Variants in ANKRD12 observed in about 807,000 individuals in gnomAD.
The protein encoded by ANKRD12 is ankyrin repeat domain 12.
In ANKRD12, 85 loss-of-function variants were observed where a neutral mutation model predicts 183.4. The observed-to-expected ratio is 0.46, with a 90% CI of 0.39 to 0.56. The LOEUF (loss-of-function observed/expected upper bound fraction) is 0.56. ANKRD12 is among the 20% of genes least tolerant of loss of function. The pLI, the probability that ANKRD12 is intolerant of heterozygous loss-of-function variation, is 0.00. For synonymous variants in ANKRD12, 914 were observed against 800.2 expected, an observed-to-expected ratio of 1.14 and a Z score of -2.40; for missense variants, 2,405 against 2,357.1, an observed-to-expected ratio of 1.02 and a Z score of -0.42.
At chr18:9,155,465 C>T (rs897116773) in intron 1 of ANKRD12, among the ~76,000 whole-genome samples, 5 of 152,184 alleles carry the variant, frequency 3.3e-5, no homozygotes, top group South Asian at 2.1e-4. Flanking sequence ...TGTGTAAGTA[C>T]ACCTGTAGGA....
chr18:9,239,433 C>A, intron 8 of ANKRD12: 3 of 942,778 alleles, frequency 3.2e-6, no homozygotes, highest in Admixed American at 2.5e-5. Context: ...TTTCACTGAT[C>A]TTGATTGTTT....
chr18:9,186,136 G>GTTTTTTTTTT (rs1280812557), intron 2 of ANKRD12, among the ~76,000 whole-genome samples: 11 of 141,894 alleles, frequency 7.8e-5, no homozygotes, highest in South Asian at 2.2e-4. Context: ...CTAAAAGTGT[G>GTTTTTTTTTT]ATTTTTTTTT....
intron 2 of ANKRD12, among the ~76,000 whole-genome samples, chr18:9,192,471 A>G (rs182332061): frequency 2.5e-4 from 38 of 152,238 alleles, no homozygotes; most frequent in African/African-American, 8.7e-4. Context: ...TAAGTTCATA[A>G]GTGGATTTTT....
intron 4 of ANKRD12, 63 bp from the exon 5 acceptor site, chr18:9,208,594 T>C: frequency 6.8e-7 from 1 of 1,468,512 alleles, no homozygotes; most frequent in Non-Finnish European, 9.2e-7. Context: ...AAAATTCATC[T>C]TAAACTTGCT....
At chr18:9,263,927 C>A in intron 10 of ANKRD12, 39 bp downstream of exon 10, 1 of 1,305,558 alleles carries the variant, frequency 7.7e-7, no homozygotes, top group Non-Finnish European at 1.0e-6. Flanking sequence ...CTAAAAATAA[C>A]TGGTTTCTAG....
In ANKRD12 at chr18:9,194,734, C is replaced by T. The variant is rs190551492; in HGVS notation, c.88-817C>T. ...TTTTTAAAATTTACATATTCATTGG[C>T]GCTACATCTAGATATAATGGTTCTA... On this transcript the variant is annotated intron_variant, in intron 2 of 12. Coordinates refer to ENST00000262126, the MANE Select transcript of ANKRD12 (RefSeq NM_015208.5). 2.6e-5 allele frequency among the ~76,000 whole-genome samples: 4 copies of T among 152,186 alleles called. No homozygotes were observed. The East Asian group carries it at 5.8e-4, about 22-fold the overall frequency.
At chr18:9,267,775 G>C (rs1396638162) in intron 10 of ANKRD12, among the ~76,000 whole-genome samples, 1 of 152,122 alleles carries the variant, frequency 6.6e-6, no homozygotes, top group Non-Finnish European at 1.5e-5. Context: ...TAAGATCAGA[G>C]CAGAACTGAA....
At chr18:9,268,355 C>T (rs1336077056) in intron 10 of ANKRD12, among the ~76,000 whole-genome samples, 17 of 152,100 alleles carry the variant, frequency 1.1e-4, no homozygotes, top group South Asian at 2.1e-4. Flanking sequence ...TGATGAACAT[C>T]GATGCAAAAA....
chr18:9,186,933 A>G (rs1184718427), intron 2 of ANKRD12, among the ~76,000 whole-genome samples: 1 of 151,656 alleles, frequency 6.6e-6, no homozygotes, highest in Non-Finnish European at 1.5e-5. Context: ...TTGTATTTTT[A>G]GTAGAGACGG....
chr18:9,259,784 A>G (rs1376163322), intron 9 of ANKRD12: 1 of 152,208 alleles, frequency 6.6e-6, no homozygotes, highest in Non-Finnish European at 1.5e-5. Context: ...ATTTTGCTAC[A>G]GACCCACTGT....
rs748318062 is a variant in ANKRD12 at position 9,256,054 on chromosome 18, C to T, written c.2787C>T (p.His929=). ...ERHLAESKEK[H]LMEKKNKQSD... ...ATCTAGCAGAAAGCAAAGAAAAGCACTTGATGGAGAAAAAAAATAAACAAT... is the reference window on the plus strand; with the variant it reads ...ATCTAGCAGAAAGCAAAGAAAAGCATTTGATGGAGAAAAAAAATAAACAAT... Residue 929 remains histidine (H), a synonymous_variant, in exon 9 of 13, where the codon CAC becomes CAT. Coordinates refer to ENST00000262126, the MANE Select transcript of ANKRD12 (RefSeq NM_015208.5). 3 of 1,556,456 alleles carry T rather than the reference C, an allele frequency of 1.9e-6. No individual in the cohort carries two copies. The highest frequency in any genetic ancestry group is 2.1e-5 in the Admixed American group (1 of 46,698).
At chr18:9,272,837 C>T (rs186931059) in intron 10 of ANKRD12, among the ~76,000 whole-genome samples, 1 of 151,908 alleles carries the variant, frequency 6.6e-6, no homozygotes, top group Admixed American at 6.6e-5. Context: ...TTGTTTTTTT[C>T]ATGAATTTAT....
chr18:9,257,039 C>T lies in ANKRD12; in HGVS notation c.3772C>T (p.Leu1258Phe), dbSNP rs369264215. 3.1e-6 allele frequency: 5 copies of T among 1,614,026 alleles called. No individual in the cohort carries two copies. In the African/African-American group the frequency reaches 5.3e-5, roughly 17 times the overall value. The part of the protein sequence containing the change: ...PFLSIAKSPA[L>F]HERELDSLAD... ...TTTGTCAATTGCCAAATCTCCTGCT[C>T]TTCATGAAAGGGAATTGGACAGCCT... The change falls in exon 9 of 13, where the codon CTT (leucine) becomes TTT (phenylalanine). Residue 1258 changes from leucine (L) to phenylalanine (F), a missense_variant. Transcript: ENST00000262126.
rs200039656 is a variant in ANKRD12, at chr18:9,257,516, A to G, written c.4249A>G (p.Lys1417Glu). The change falls in exon 9 of 13, where the codon AAA becomes GAA. Residue 1417 changes from lysine (K) to glutamate (E), a missense_variant. This residue lies in a region of ANKRD12 where 1,983 missense variants were observed against 1,725.9 expected (regional missense o/e 1.15). Coordinates refer to ENST00000262126, the MANE Select transcript of ANKRD12 (RefSeq NM_015208.5). ...TAGTCAGGTTGGTGTGATCCAGAATAAATCATGGGAGATGCCTGTTGATAG... is the reference window on the plus strand; with the variant it reads ...TAGTCAGGTTGGTGTGATCCAGAATGAATCATGGGAGATGCCTGTTGATAG... ...PSSQVGVIQN[K>E]SWEMPVDRLE... 1.2e-5 allele frequency: 19 copies of G among 1,614,138 alleles called. No homozygotes were observed. The South Asian group carries it at 1.9e-4, about 16-fold the overall frequency.
chr18:9,265,283 C>T (rs1364363645), intron 10 of ANKRD12, among the ~76,000 whole-genome samples: 1 of 152,236 alleles, frequency 6.6e-6, no homozygotes, highest in Non-Finnish European at 1.5e-5. Context: ...AGTAGTGGTT[C>T]TCCCAGCACA....
chr18:9,219,583 C>G (rs981645170), intron 7 of ANKRD12, among the ~76,000 whole-genome samples: 1 of 152,030 alleles, frequency 6.6e-6, no homozygotes, highest in Non-Finnish European at 1.5e-5. Flanking sequence ...CCCTCCTTCA[C>G]CTCCTCTTGC....
chr18:9,258,463 T>C lies in ANKRD12; in HGVS notation c.5196T>C (p.Pro1732=). The C allele has an allele frequency of 6.2e-7, 1 of 1,613,626 alleles. No homozygotes were observed. The highest frequency in any genetic ancestry group is 8.5e-7 in the Non-Finnish European group (1 of 1,179,878). The change falls in exon 9 of 13, where the codon CCT becomes CCC. Residue 1732 remains proline (P), a synonymous_variant. Coordinates refer to ENST00000262126, the MANE Select transcript of ANKRD12 (RefSeq NM_015208.5). The part of the protein sequence containing the change: ...AEDDKTENQI[P]QRMTRNKANT... ...ATGATAAAACTGAAAACCAAATCCC[T>C]CAAAGAATGACTAGAAACAAAGCAA...
intron 1 of ANKRD12, among the ~76,000 whole-genome samples, chr18:9,152,563 G>A (rs1387740358): frequency 6.6e-6 from 1 of 151,270 alleles, no homozygotes; most frequent in Admixed American, 6.6e-5. Flanking sequence ...GCTGGATTCT[G>A]TTTATCCACT....
chr18:9,187,369 G>A (rs956191000), intron 2 of ANKRD12, among the ~76,000 whole-genome samples: 9 of 152,092 alleles, frequency 5.9e-5, no homozygotes, highest in Non-Finnish European at 1.3e-4. Context: ...GTGCCACTGC[G>A]TTCCAGCCTG....
Sources: allele counts gnomAD v4.1 joint callset (sites outside exome capture counted in the v4.1 genomes callset), GRCh38; gene constraint gnomAD v4.1.1; regional missense constraint gnomAD v4.1.1; transcripts MANE v1.5; gene names NCBI Gene and HGNC (gene_info 2026-07-23, HGNC 2026-07-21).